VAMP8: variants seen among roughly 807,000 people sequenced by gnomAD.
VAMP8 encodes the protein vesicle associated membrane protein 8.
Under a neutral mutation model 11.4 loss-of-function variants are expected in VAMP8, and 9 were observed. The observed-to-expected ratio is 0.79, with a 90% CI of 0.48 to 1.38. VAMP8 has a LOEUF of 1.38. Among genes scored for constraint, VAMP8 ranks in the 40% most tolerant of loss-of-function variants. The pLI, the probability that VAMP8 is intolerant of heterozygous loss-of-function variation, is 0.00. For missense variants in VAMP8, 108 were observed against 127.8 expected (o/e 0.85, Z 0.75); for synonymous variants, 42 against 44.7 (o/e 0.94, Z 0.24).
chr2:85,580,659 ATTTTTTTTT>A (rs372301674), intron 2 of VAMP8, among the ~76,000 whole-genome samples: 3 of 104,560 alleles, frequency 2.9e-5, no homozygotes, highest in Non-Finnish European at 3.9e-5. Context: ...CAGATACAGC[ATTTTTTTTT>A]TTTTTTTTTT....
Position 85,581,802 on chromosome 2 carries a change from C to T in VAMP8, c.*86C>T, listed in dbSNP as rs1672384058. ...CCAAGAGGGTCTCCTTTCCTGTCTT[C>T]CTCTACAGAGAATGCTGCTCGGTCC... On this transcript the variant is annotated 3_prime_UTR_variant, in exon 3 of 3. Coordinates refer to ENST00000263864, the MANE Select transcript of VAMP8 (RefSeq NM_003761.5). The T allele has an allele frequency of 4.5e-6, 7 of 1,560,446 alleles. No homozygotes were observed. The highest frequency in any genetic ancestry group is 1.4e-5 in the African/African-American group (1 of 73,586).
At chr2:85,577,682 T>G in intron 1 of VAMP8, 33 bp downstream of exon 1, 1 of 1,548,694 alleles carries the variant, frequency 6.5e-7, no homozygotes. Context: ...AAGGGCTGGT[T>G]TAAAGAGGAG....
At chr2:85,581,438 C>T in intron 2 of VAMP8, 138 bp from the exon 3 acceptor site, 1 of 1,080,320 alleles carries the variant, frequency 9.3e-7, no homozygotes, top group South Asian at 1.6e-5. Context: ...CAAGATCGAG[C>T]CACTGCCTGA....
In VAMP8 at chr2:85,582,022, A is replaced by G. The variant is rs984849966; in HGVS notation, c.*306A>G. The G allele has an allele frequency of 1.9e-5, 7 of 360,442 alleles. No individual in the cohort carries two copies. The highest frequency in any genetic ancestry group is 1.7e-4 in the Admixed American group (4 of 23,240). 22.3% of individuals were successfully genotyped at this position (360,442 alleles called of 1,614,324 possible). A position where few individuals can be genotyped will look rare whatever the true frequency, so the allele number is the denominator to read the frequency against. ...GGCCAGTGGGTAATAAAGACCTTTCAGTATCCCTATATGTGTGAGGCACTT... is the reference window on the plus strand; with the variant it reads ...GGCCAGTGGGTAATAAAGACCTTTCGGTATCCCTATATGTGTGAGGCACTT... On this transcript the variant is annotated 3_prime_UTR_variant, in exon 3 of 3. Coordinates refer to ENST00000263864, the MANE Select transcript of VAMP8 (RefSeq NM_003761.5).
Sources: allele counts gnomAD v4.1 joint callset (sites outside exome capture counted in the v4.1 genomes callset), GRCh38; gene constraint gnomAD v4.1.1; transcripts MANE v1.5; gene names NCBI Gene and HGNC (gene_info 2026-07-23, HGNC 2026-07-21).